ERBIN: variants seen among roughly 807,000 people sequenced by gnomAD.
The protein encoded by ERBIN is erbb2 interacting protein, also known as densin-180-like protein.
A neutral mutation model predicts 158.4 loss-of-function variants in ERBIN; 60 were observed. That is an observed-to-expected ratio of 0.38 (90% CI 0.31 to 0.47). ERBIN has a LOEUF of 0.47. Among genes scored for constraint, ERBIN ranks in the 20% least tolerant of loss-of-function variants. The pLI, the probability that ERBIN is intolerant of heterozygous loss-of-function variation, is 0.99. For synonymous variants in ERBIN, 594 were observed against 557.2 expected (o/e 1.07, Z -0.93); for missense variants, 1,610 against 1,648.0 (o/e 0.98, Z 0.40).
At chr5:66,030,954 A>G (rs1228460980) in intron 14 of ERBIN, among the ~76,000 whole-genome samples, 1 of 152,186 alleles carries the variant, frequency 6.6e-6, no homozygotes, top group Non-Finnish European at 1.5e-5. Flanking sequence ...AGTATCTGCT[A>G]CGGTTTCTTC....
intron 14 of ERBIN, among the ~76,000 whole-genome samples, chr5:66,034,214 G>A (rs554926877): frequency 6.6e-6 from 1 of 152,178 alleles, no homozygotes; most frequent in South Asian, 2.1e-4. Flanking sequence ...GAGAGCTTGG[G>A]TATGACGTTT....
intron 1 of ERBIN, among the ~76,000 whole-genome samples, chr5:65,958,799 CAT>C (rs1747587815): frequency 6.6e-6 from 1 of 152,146 alleles, no homozygotes; most frequent in African/African-American, 2.4e-5. Context: ...TGGTAGAGTA[CAT>C]GATGTGTTCA....
intron 1 of ERBIN, among the ~76,000 whole-genome samples, chr5:65,950,998 G>C (rs1746436242): frequency 6.6e-6 from 1 of 152,122 alleles, no homozygotes. Flanking sequence ...CTCAATTCTT[G>C]CTGTGCTGTT....
At chr5:66,067,204 C>G (rs10057684) in intron 21 of ERBIN, among the ~76,000 whole-genome samples, 1 of 152,042 alleles carries the variant, frequency 6.6e-6, no homozygotes, top group African/African-American at 2.4e-5. Flanking sequence ...ATAAGTTTAG[C>G]TTTTTCTTTA....
intron 4 of ERBIN, among the ~76,000 whole-genome samples, chr5:66,004,397 C>T (rs921330621): frequency 1.8e-4 from 28 of 151,552 alleles, no homozygotes; most frequent in African/African-American, 2.7e-4. Flanking sequence ...TGTGCGCGCG[C>T]GTGCGTGTGT....
At chr5:65,983,379 C>T (rs533473463) in intron 1 of ERBIN, among the ~76,000 whole-genome samples, 2 of 151,998 alleles carry the variant, frequency 1.3e-5, no homozygotes, top group Non-Finnish European at 2.9e-5. Context: ...TCTTACACAG[C>T]GTTTATAATT....
At chr5:66,004,238 G>T (rs1426012049) in intron 4 of ERBIN, among the ~76,000 whole-genome samples, 1 of 151,642 alleles carries the variant, frequency 6.6e-6, no homozygotes, top group Non-Finnish European at 1.5e-5. Flanking sequence ...GAGCCACCAT[G>T]CCTGGCCAGC....
intron 8 of ERBIN, 121 bp from the exon 9 acceptor site, chr5:66,023,169 T>C: frequency 1.4e-6 from 1 of 711,026 alleles, no homozygotes; most frequent in Non-Finnish European, 2.4e-6. Context: ...TTCTCCCTGC[T>C]CCTTTTATTT....
At chr5:65,964,609 CAAT>C (rs1360916798) in intron 1 of ERBIN, among the ~76,000 whole-genome samples, 1 of 152,036 alleles carries the variant, frequency 6.6e-6, no homozygotes, top group Non-Finnish European at 1.5e-5. Context: ...ATAATGACAG[CAAT>C]AATAATAATG....
At chr5:66,066,533 A>C (rs1004627720) in intron 21 of ERBIN, among the ~76,000 whole-genome samples, 19 of 149,822 alleles carry the variant, frequency 1.3e-4, no homozygotes, top group East Asian at 3.9e-4. Context: ...AAAAAAAAAA[A>C]AACAAAAAAA....
At position 66,075,225 on chromosome 5, in the gene ERBIN, CAA is replaced by C. The variant is rs907970925; in HGVS notation, c.3959_3960del (p.Gln1320ArgfsTer7). ...TAGACAAGGCCATGAACTGGCAAAA[CAA>C]GAGGTAAGAATAATCAAGACTATTT... ...SPRQGHELAKQEIRVRVEKDP... is the reference protein window; with the variant it reads ...SPRQGHELAKXEIRVRVEKDP... On this transcript the variant is annotated frameshift_variant, in exon 23 of 26. Transcript: ENST00000284037. LOFTEE classifies it high-confidence loss of function. 1 of 1,613,534 alleles carries C rather than the reference CAA, an allele frequency of 6.2e-7. No individual in the cohort carries two copies. The highest frequency in any genetic ancestry group is 8.5e-7 in the Non-Finnish European group (1 of 1,179,458).
At chr5:65,948,375 CTG>C (rs1481079562) in intron 1 of ERBIN, among the ~76,000 whole-genome samples, 1 of 151,748 alleles carries the variant, frequency 6.6e-6, no homozygotes, top group Admixed American at 6.6e-5. Flanking sequence ...TAAGGTCTCA[CTG>C]TATTTCCCAG....
intron 1 of ERBIN, among the ~76,000 whole-genome samples, chr5:65,985,946 C>T (rs190086839): frequency 2.8e-4 from 43 of 151,652 alleles, no homozygotes; most frequent in Non-Finnish European, 4.4e-4. Flanking sequence ...TTTTTTTCCG[C>T]CTGGCGTTTA....
chr5:66,001,515 A>G (rs73766310), intron 4 of ERBIN, among the ~76,000 whole-genome samples: 3,160 of 152,300 alleles, frequency 0.021, 115 homozygotes, highest in African/African-American at 0.073. Flanking sequence ...TAGGAATAAA[A>G]AGAAATGGCC....
intron 10 of ERBIN, 120 bp from the exon 11 acceptor site, chr5:66,025,360 T>C: frequency 1.3e-6 from 1 of 759,384 alleles, no homozygotes; most frequent in Non-Finnish European, 2.3e-6. Flanking sequence ...CTCTTTTAGA[T>C]ACGTTTGTTA....
intron 4 of ERBIN, 60 bp downstream of exon 4, chr5:65,994,924 T>A (rs573516188): frequency 8.5e-6 from 8 of 943,908 alleles, no homozygotes; most frequent in Non-Finnish European, 1.3e-5. Flanking sequence ...TACTAAGATT[T>A]CTATTGAGTT....
At chr5:66,062,148 G>T (rs1760461346) in intron 21 of ERBIN, among the ~76,000 whole-genome samples, 1 of 152,122 alleles carries the variant, frequency 6.6e-6, no homozygotes. Flanking sequence ...TTCCAACTTG[G>T]TTCCATTCTC....
Position 66,054,125 on chromosome 5 carries a change from T to TATAA in ERBIN, c.2808_2809insTAAA (p.Ile937Ter), listed in dbSNP as rs1350261628. The TATAA allele has an allele frequency of 1.2e-6, 2 of 1,614,042 alleles. No individual in the cohort carries two copies. The highest frequency in any genetic ancestry group is 1.3e-5 in the African/African-American group (1 of 74,928). On this transcript the variant is annotated stop_gained and frameshift_variant, in exon 21 of 26. Transcript: ENST00000284037. LOFTEE classifies it high-confidence loss of function. Reference sequence around the variant, plus strand: ...ACTGGTTCTTCCTCATCTTCTGATTTAATATCAGGAACAAAGGCAATTTTC... The same window carrying TATAA: ...ACTGGTTCTTCCTCATCTTCTGATTTATAAAATATCAGGAACAAAGGCAATTTTC...
chr5:65,930,338 C>A (rs1049807730), intron 1 of ERBIN, among the ~76,000 whole-genome samples: 1 of 152,166 alleles, frequency 6.6e-6, no homozygotes, highest in Admixed American at 6.5e-5. Flanking sequence ...TGGAGTCTTG[C>A]TCTGTCGCCC....
Sources: gnomAD v4.1 joint callset for allele counts (sites outside exome capture counted in the v4.1 genomes callset) on GRCh38, gnomAD v4.1.1 for gene constraint, MANE v1.5 for transcripts, NCBI Gene and HGNC (gene_info 2026-07-23, HGNC 2026-07-21) for gene names.